TOP1: variants seen among roughly 807,000 people sequenced by gnomAD.
TOP1 encodes DNA topoisomerase 1.
Under a neutral mutation model 111.1 loss-of-function variants are expected in TOP1, and 10 were observed. The ratio of observed to expected loss-of-function variants is 0.09; its 90% CI spans 0.06 to 0.15. TOP1 has a LOEUF of 0.15. TOP1 is among the 10% of genes least tolerant of loss of function. TOP1 has a pLI of 1.00. For synonymous variants in TOP1, 271 were observed against 302.9 expected, an observed-to-expected ratio of 0.89 and a Z score of 1.10; for missense variants, 474 against 926.7, an observed-to-expected ratio of 0.51 and a Z score of 6.34.
At chr20:41,119,434 G>A (rs950561596) in intron 18 of TOP1, among the ~76,000 whole-genome samples, 1 of 152,106 alleles carries the variant, frequency 6.6e-6, no homozygotes, top group African/African-American at 2.4e-5. Context: ...GGGCAACATA[G>A]TGAGACCCTG....
chr20:41,080,245 A>G lies in TOP1; in HGVS notation c.431+65A>G, dbSNP rs2033773745. The G allele has an allele frequency of 1.0e-6, 1 of 985,842 alleles. No homozygotes were observed. The highest frequency in any genetic ancestry group is 2.5e-5 in the East Asian group (1 of 40,044). 61.1% of individuals were successfully genotyped at this position (985,842 alleles called of 1,614,324 possible). ...AGGAGGAGTTTAAAGAATAAATGTG[A>G]TGTGTTTCTTTATAATACATATAGA... On this transcript the variant is annotated intron_variant, in intron 6 of 20. Transcript: ENST00000361337. This position sits in a 1 kb window ranked among gnomAD's most constrained non-coding sequence, Gnocchi z 5.0.
chr20:41,123,142 T>G lies in TOP1; in HGVS notation c.2196-53T>G, dbSNP rs9808586. 1.6e-6 allele frequency: 2 copies of G among 1,239,598 alleles called. No homozygotes were observed. Among genetic ancestry groups the G allele is most frequent in the Non-Finnish European group, 2.4e-6 (2 of 842,548 alleles). The allele number at this position is 1,239,598 out of a possible 1,614,324, so 76.8% of individuals were successfully genotyped here. A position where few individuals can be genotyped will look rare whatever the true frequency, so the allele number is the denominator to read the frequency against. ...AACATCTGACCCTGGGCCTCAGATA[T>G]GGGCCATTGCTGAGTCACCCTAATC... is the stretch of plus-strand genomic sequence containing the variant. On this transcript the variant is annotated intron_variant, in intron 20 of 20. Transcript: ENST00000361337. This position sits in a 1 kb window ranked among gnomAD's most constrained non-coding sequence, Gnocchi z 5.8.
chr20:41,115,496 C>T lies in TOP1; in HGVS notation c.1707+57C>T. On this transcript the variant is annotated intron_variant, in intron 16 of 20. Transcript: ENST00000361337. This position sits in a 1 kb window ranked among gnomAD's most constrained non-coding sequence, Gnocchi z 6.3. ...AGTCCCAGCCAGAGCCTCACAGTACCTAAAGGGGAGGGTTGCTGGCAGATG... is the reference window on the plus strand; with the variant it reads ...AGTCCCAGCCAGAGCCTCACAGTACTTAAAGGGGAGGGTTGCTGGCAGATG... 7.3e-7 allele frequency: 1 copy of T among 1,363,652 alleles called. No individual in the cohort carries two copies. Among genetic ancestry groups the T allele is most frequent in the Non-Finnish European group, 1.0e-6 (1 of 953,686 alleles). 84.5% of individuals were successfully genotyped at this position (1,363,652 alleles called of 1,614,324 possible).
rs1452149388 is a variant in TOP1 at position 41,116,843 on chromosome 20, A to G, written c.1822+451A>G. ...TTCTATAGCTGATTTTTAGAATATT[A>G]TCACCAAGATCCACGGGCTTTTTTT... On this transcript the variant is annotated intron_variant, in intron 17 of 20. Transcript: ENST00000361337. This position sits in a 1 kb window ranked among gnomAD's most constrained non-coding sequence, Gnocchi z 5.6. Among the ~76,000 whole-genome samples the G allele has an allele frequency of 6.6e-6, 1 of 152,136 alleles. No homozygotes were observed. The highest frequency in any genetic ancestry group is 2.4e-5 in the African/African-American group (1 of 41,426).
chr20:41,081,717 G>T (rs2033791090), intron 7 of TOP1, among the ~76,000 whole-genome samples: 1 of 151,940 alleles, frequency 6.6e-6, no homozygotes, highest in Non-Finnish European at 1.5e-5. Flanking sequence ...TCCCAATCTG[G>T]CCCCTGCATC....
Position 41,100,030 on chromosome 20 carries a change from T to C in TOP1, c.976-26T>C. On this transcript the variant is annotated intron_variant, in intron 11 of 20. Transcript: ENST00000361337. The surrounding 1 kb of genome is among the most constrained non-coding windows in gnomAD (Gnocchi z 4.4). ...TAGAGAACAGCAATCTGAATCTATT[T>C]TGAGTACTTTCTTGCTGTCTTCCAG... 1 of 1,546,320 alleles carries C rather than the reference T, an allele frequency of 6.5e-7. No individual in the cohort carries two copies. The highest frequency in any genetic ancestry group is 8.9e-7 in the Non-Finnish European group (1 of 1,124,872).
At chr20:41,066,265 A>G (rs1181580133) in intron 3 of TOP1, among the ~76,000 whole-genome samples, 10 of 151,514 alleles carry the variant, frequency 6.6e-5, no homozygotes, top group South Asian at 2.1e-4. Context: ...AAAAAAAAAA[A>G]GGGATGTGAT....
At position 41,029,584 on chromosome 20, in the gene TOP1, C is replaced by T; in HGVS notation, c.58+129C>T. The T allele has an allele frequency of 1.3e-6, 1 of 762,926 alleles. No individual in the cohort carries two copies. The highest frequency in any genetic ancestry group is 2.1e-5 in the Admixed American group (1 of 47,176). The allele number at this position is 762,926 out of a possible 1,614,324, so 47.3% of individuals were successfully genotyped here. A position where few individuals can be genotyped will look rare whatever the true frequency, so the allele number is the denominator to read the frequency against. The stretch of plus-strand genomic sequence containing the variant: ...TAAGTCCCGGCTCCTCGCTCACCGG[C>T]CCCATTGTTCCCATCGGGCCGCCTC... On this transcript the variant is annotated intron_variant, in intron 2 of 20. Coordinates refer to ENST00000361337, the MANE Select transcript of TOP1 (RefSeq NM_003286.4). The surrounding 1 kb of genome is among the most constrained non-coding windows in gnomAD (Gnocchi z 6.1).
chr20:41,075,071 T>A (rs2033710362), intron 3 of TOP1, among the ~76,000 whole-genome samples: 1 of 152,238 alleles, frequency 6.6e-6, no homozygotes, highest in Non-Finnish European at 1.5e-5. Flanking sequence ...CCCCTCTTGT[T>A]AGGTGTATCC....
chr20:41,033,693 A>G (rs2033150456), intron 2 of TOP1, among the ~76,000 whole-genome samples: 1 of 152,242 alleles, frequency 6.6e-6, no homozygotes, highest in African/African-American at 2.4e-5. Context: ...AGATTATACT[A>G]AAACCATGTT....
chr20:41,036,330 G>A (rs2033184739), intron 2 of TOP1, among the ~76,000 whole-genome samples: 1 of 152,158 alleles, frequency 6.6e-6, no homozygotes, highest in Non-Finnish European at 1.5e-5. Flanking sequence ...GGGGGTGTGA[G>A]GAGACAGCTG....
At position 41,089,117 on chromosome 20, in the gene TOP1, T is replaced by C. The variant is rs2033886822; in HGVS notation, c.615-3355T>C. On this transcript the variant is annotated intron_variant, in intron 8 of 20. Transcript: ENST00000361337. ...TCAGTTCACTGCAACCTTCGCCTCC[T>C]GGGTTCAAGCAATTCTCCTGCCTCA... Among the ~76,000 whole-genome samples, 6 of 147,420 alleles carry C rather than the reference T, an allele frequency of 4.1e-5. No individual in the cohort carries two copies. In the South Asian group the frequency reaches 1.3e-3, roughly 32 times the overall value.
rs919458593 is a variant in TOP1, at chr20:41,068,785, T to C, written c.155+7295T>C. The stretch of plus-strand genomic sequence containing the variant: ...GCTTGTAGGATCTCACGAGCTACCT[T>C]TCTTAAAGGGTTACATTCTTATCCA... On this transcript the variant is annotated intron_variant, in intron 3 of 20. Coordinates refer to ENST00000361337, the MANE Select transcript of TOP1 (RefSeq NM_003286.4). Among the ~76,000 whole-genome samples, 47 of 152,342 alleles carry C rather than the reference T, an allele frequency of 3.1e-4. 1 individual carries two copies. Among genetic ancestry groups the C allele is most frequent in the African/African-American group, 1.1e-3 (44 of 41,578 alleles).
At chr20:41,051,007 AT>A (rs2033398866) in intron 2 of TOP1, among the ~76,000 whole-genome samples, 1 of 152,188 alleles carries the variant, frequency 6.6e-6, no homozygotes, top group South Asian at 2.1e-4. Flanking sequence ...TAATGAGGTG[AT>A]AAATATTTTC....
chr20:41,116,153 C>T lies in TOP1; in HGVS notation c.1708-125C>T, dbSNP rs1438875320. On this transcript the variant is annotated intron_variant, in intron 16 of 20. Transcript: ENST00000361337. This position sits in a 1 kb window ranked among gnomAD's most constrained non-coding sequence, Gnocchi z 5.6. The stretch of plus-strand genomic sequence containing the variant: ...TGGAATTCTTTTCCTCTTTCCCTAA[C>T]TTCCCACTTGTAGGGCAATAAACTT... 1.6e-6 allele frequency: 1 copy of T among 626,248 alleles called. No individual in the cohort carries two copies. Among genetic ancestry groups the T allele is most frequent in the East Asian group, 2.8e-5 (1 of 36,314 alleles). 38.8% of individuals were successfully genotyped at this position (626,248 alleles called of 1,614,324 possible).
chr20:41,102,473 G>C lies in TOP1; in HGVS notation c.1308+1120G>C, dbSNP rs1247696240. On this transcript the variant is annotated intron_variant, in intron 13 of 20. Coordinates refer to ENST00000361337, the MANE Select transcript of TOP1 (RefSeq NM_003286.4). The surrounding 1 kb of genome is among the most constrained non-coding windows in gnomAD (Gnocchi z 4.0). ...AAAAATACAAAAATTAGCCAGGCGT[G>C]GTAGTGGGTGCCTGTAATCCCATCT... is the stretch of plus-strand genomic sequence containing the variant. Among the ~76,000 whole-genome samples, 1 of 152,100 alleles carries C rather than the reference G, an allele frequency of 6.6e-6. No homozygotes were observed. Among genetic ancestry groups the C allele is most frequent in the Non-Finnish European group, 1.5e-5 (1 of 68,040 alleles).
rs548462414 is a variant in TOP1 at position 41,032,551 on chromosome 20, T to C, written c.58+3096T>C. On this transcript the variant is annotated intron_variant, in intron 2 of 20. Coordinates refer to ENST00000361337, the MANE Select transcript of TOP1 (RefSeq NM_003286.4). This position sits in a 1 kb window ranked among gnomAD's most constrained non-coding sequence, Gnocchi z 4.3. ...TAAAGTGTTAGCGATTCTTCTGCTG[T>C]TTCAGAGGTCTTGAAGTTTTTGCCT... Among the ~76,000 whole-genome samples the C allele has an allele frequency of 3.9e-5, 6 of 152,338 alleles. No individual in the cohort carries two copies. The East Asian group carries it at 1.2e-3, about 29-fold the overall frequency.
chr20:41,032,386 T>C lies in TOP1; in HGVS notation c.58+2931T>C, dbSNP rs1295332377. ...AAATGTTGACAGTGAGTTAGGAATTTGGAGCAGAAACCATATCTAAGTCTA... is the reference window on the plus strand; with the variant it reads ...AAATGTTGACAGTGAGTTAGGAATTCGGAGCAGAAACCATATCTAAGTCTA... On this transcript the variant is annotated intron_variant, in intron 2 of 20. Transcript: ENST00000361337. The surrounding 1 kb of genome is among the most constrained non-coding windows in gnomAD (Gnocchi z 4.3). Among the ~76,000 whole-genome samples, 1 of 152,234 alleles carries C rather than the reference T, an allele frequency of 6.6e-6. No homozygotes were observed. The highest frequency in any genetic ancestry group is 2.4e-5 in the African/African-American group (1 of 41,464).
At chr20:41,075,453 G>A (rs1223230059) in intron 3 of TOP1, among the ~76,000 whole-genome samples, 1 of 152,220 alleles carries the variant, frequency 6.6e-6, no homozygotes, top group Non-Finnish European at 1.5e-5. Context: ...TTACAGGCGT[G>A]AGCCACCGCG....
Sources: gnomAD v4.1 joint callset for allele counts (sites outside exome capture counted in the v4.1 genomes callset) on GRCh38, gnomAD v4.1.1 for gene constraint, Gnocchi (gnomAD v3.1) non-coding constraint, MANE v1.5 for transcripts, NCBI Gene and HGNC (gene_info 2026-07-23, HGNC 2026-07-21) for gene names.